Variants in ELP4 observed in about 807,000 individuals in gnomAD.
ELP4 encodes the protein elongator complex protein 4.
In ELP4, 51 loss-of-function variants were observed where a neutral mutation model predicts 48.9. That is an observed-to-expected ratio of 1.04 (90% confidence interval 0.83 to 1.32). ELP4 has a LOEUF of 1.32. ELP4 is among the 40% of genes most tolerant of loss of function. The pLI, the probability that ELP4 is intolerant of heterozygous loss-of-function variation, is 0.00. For synonymous variants in ELP4, 210 were observed against 189.2 expected, an observed-to-expected ratio of 1.11 and a Z score of -0.90; for missense variants, 519 against 514.6, an observed-to-expected ratio of 1.01 and a Z score of -0.08.
chr11:31,727,583 G>C (rs907002132), intron 9 of ELP4, among the ~76,000 whole-genome samples: 2 of 152,102 alleles, frequency 1.3e-5, no homozygotes, highest in Non-Finnish European at 2.9e-5. Context: ...ATTTATTAAT[G>C]TCAGTGAACA....
intron 7 of ELP4, among the ~76,000 whole-genome samples, chr11:31,636,685 AT>A (rs1944985080): frequency 1.3e-5 from 2 of 151,914 alleles, no homozygotes; most frequent in South Asian, 4.1e-4. Flanking sequence ...AAGAAGACTT[AT>A]TTTTTAATTT....
chr11:31,539,314 A>C (rs912209523), intron 2 of ELP4, among the ~76,000 whole-genome samples: 1 of 152,082 alleles, frequency 6.6e-6, no homozygotes, highest in African/African-American at 2.4e-5. Context: ...AATACAGAAA[A>C]ATTAGCCGGG....
intron 9 of ELP4, among the ~76,000 whole-genome samples, chr11:31,781,052 T>C (rs183985402): frequency 8.5e-5 from 13 of 152,374 alleles, no homozygotes; most frequent in Admixed American, 7.8e-4. Flanking sequence ...GTGTTCCCTG[T>C]GAGGGTTACC....
At chr11:31,546,974 A>G (rs1253137887) in intron 3 of ELP4, among the ~76,000 whole-genome samples, 4 of 152,266 alleles carry the variant, frequency 2.6e-5, no homozygotes, top group South Asian at 4.1e-4. Context: ...TCTCTGGGAC[A>G]CATTCAAAGC....
chr11:31,671,817 C>T (rs1269588239), intron 9 of ELP4, among the ~76,000 whole-genome samples: 1 of 152,204 alleles, frequency 6.6e-6, no homozygotes, highest in Non-Finnish European at 1.5e-5. Context: ...TGCCAAGTGA[C>T]TGTGAAAAGC....
At position 31,783,623 on chromosome 11, in the gene ELP4, C is replaced by G; in HGVS notation, c.*99C>G. ...TTTTTCTTAACAATTTGACCCTCCACTCCTTGAAAAACACAGGATTATAAA... is the reference window on the plus strand; with the variant it reads ...TTTTTCTTAACAATTTGACCCTCCAGTCCTTGAAAAACACAGGATTATAAA... On this transcript the variant is annotated 3_prime_UTR_variant, in exon 10 of 10. Coordinates refer to ENST00000640961, the MANE Select transcript of ELP4 (RefSeq NM_019040.5). 1 of 1,168,818 alleles carries G rather than the reference C, an allele frequency of 8.6e-7. No homozygotes were observed. The highest frequency in any genetic ancestry group is 1.2e-6 in the Non-Finnish European group (1 of 855,788). 72.4% of individuals were successfully genotyped at this position (1,168,818 alleles called of 1,614,324 possible). A position where few individuals can be genotyped will look rare whatever the true frequency, so the allele number is the denominator to read the frequency against.
rs1944591129 is a variant in ELP4 at position 31,620,248 on chromosome 11, A to G, written c.654-6862A>G. Among the ~76,000 whole-genome samples, 3 of 152,028 alleles carry G rather than the reference A, an allele frequency of 2.0e-5. No homozygotes were observed. The South Asian group carries it at 6.2e-4, about 31-fold the overall frequency. ...TGGAATAGACAGAGAGTTGTGTTTA[A>G]CAAGAATAGCAGTAAGTGTGACAAA... On this transcript the variant is annotated intron_variant, in intron 5 of 9. Transcript: ENST00000640961.
chr11:31,510,044 GAA>G lies in ELP4; in HGVS notation c.223+39_223+40del, dbSNP rs1955954911. Reference sequence around the variant, plus strand: ...GCGGAGATCTGGGCTCAGCCGAGGGGAAACTTAGGGAGGGGACCTGTCGGGGA... The same window carrying G: ...GCGGAGATCTGGGCTCAGCCGAGGGGACTTAGGGAGGGGACCTGTCGGGGA... On this transcript the variant is annotated intron_variant, in intron 1 of 9. Transcript: ENST00000640961. 4.4e-6 allele frequency: 7 copies of G among 1,586,202 alleles called. No individual in the cohort carries two copies. The East Asian group carries it at 1.4e-4, about 31-fold the overall frequency.
At chr11:31,632,176 A>G (rs1944874674) in intron 6 of ELP4, 41 bp from the exon 7 acceptor site, 13 of 1,534,696 alleles carry the variant, frequency 8.5e-6, no homozygotes, top group Non-Finnish European at 1.1e-5. Flanking sequence ...CTATTGATTA[A>G]CAAAACTTTA....
At chr11:31,584,232 T>C (rs1427257086) in intron 3 of ELP4, among the ~76,000 whole-genome samples, 1 of 151,950 alleles carries the variant, frequency 6.6e-6, no homozygotes, top group Non-Finnish European at 1.5e-5. Context: ...CTTGTTTACT[T>C]TCTCATTTCA....
chr11:31,755,275 T>G lies in ELP4; in HGVS notation c.1144-28118T>G, dbSNP rs946872621. On this transcript the variant is annotated intron_variant, in intron 9 of 9. Coordinates refer to ENST00000640961, the MANE Select transcript of ELP4 (RefSeq NM_019040.5). ...GTAAATCTAGAAGGAAAGAGGGAAA[T>G]AGAGAATTGCTATTAGGCAGATAAC... is the stretch of plus-strand genomic sequence containing the variant. Among the ~76,000 whole-genome samples, 51 of 151,356 alleles carry G rather than the reference T, an allele frequency of 3.4e-4. 1 individual carries two copies. Among genetic ancestry groups the G allele is most frequent in the Admixed American group, 3.2e-3 (48 of 15,202 alleles).
chr11:31,614,316 A>G (rs907788953), intron 5 of ELP4, among the ~76,000 whole-genome samples: 1 of 152,126 alleles, frequency 6.6e-6, no homozygotes, highest in East Asian at 1.9e-4. Flanking sequence ...GGGAAAAGAT[A>G]TGCCTGGAAC....
intron 9 of ELP4, among the ~76,000 whole-genome samples, chr11:31,680,510 G>A (rs533168117): frequency 6.6e-6 from 1 of 152,214 alleles, no homozygotes; most frequent in East Asian, 1.9e-4. Flanking sequence ...TCGGATAGGG[G>A]TTGTGGAGGG....
At chr11:31,626,993 C>A (rs1841068876) in intron 5 of ELP4, 117 bp from the exon 6 acceptor site, 2 of 588,416 alleles carry the variant, frequency 3.4e-6, no homozygotes, top group South Asian at 2.5e-5. Flanking sequence ...TTTTGACATT[C>A]TTAAGTAATC....
At chr11:31,670,384 A>T (rs2134105558) in intron 9 of ELP4, among the ~76,000 whole-genome samples, 1 of 152,280 alleles carries the variant, frequency 6.6e-6, no homozygotes, top group African/African-American at 2.4e-5. Flanking sequence ...ATCTATTATC[A>T]CTTGACTGAA....
chr11:31,736,890 A>G (rs1947331154), intron 9 of ELP4, among the ~76,000 whole-genome samples: 1 of 152,240 alleles, frequency 6.6e-6, no homozygotes, highest in African/African-American at 2.4e-5. Context: ...TAGTTCAACC[A>G]TTGTGGAAGT....
chr11:31,683,817 TAA>T (rs146818764), intron 9 of ELP4, among the ~76,000 whole-genome samples: 4,967 of 152,246 alleles, frequency 0.033, 130 homozygotes, highest in Non-Finnish European at 0.048. Flanking sequence ...TCAAAATTGA[TAA>T]GAGGTAGAAA....
chr11:31,520,440 C>G (rs1956194149), intron 2 of ELP4, among the ~76,000 whole-genome samples: 1 of 151,964 alleles, frequency 6.6e-6, no homozygotes, highest in African/African-American at 2.4e-5. Flanking sequence ...AATTGAAATA[C>G]CAAGTCCATC....
At chr11:31,768,118 TTAA>T (rs1422588687) in intron 9 of ELP4, among the ~76,000 whole-genome samples, 3 of 152,204 alleles carry the variant, frequency 2.0e-5, no homozygotes, top group African/African-American at 7.2e-5. Context: ...GCTCTGATAC[TTAA>T]GATTTTTTTT....
Sources: allele counts gnomAD v4.1 joint callset (sites outside exome capture counted in the v4.1 genomes callset), GRCh38; gene constraint gnomAD v4.1.1; transcripts MANE v1.5; gene names NCBI Gene and HGNC (gene_info 2026-07-23, HGNC 2026-07-21).